Variants in CDH18 observed in about 807,000 individuals in gnomAD.
The protein encoded by CDH18 is cadherin-18.
In CDH18, 31 loss-of-function variants were observed where a neutral mutation model predicts 67.9. The ratio of observed to expected loss-of-function variants is 0.46; its 90% CI spans 0.34 to 0.62. The LOEUF is 0.62. Among genes scored for constraint, CDH18 ranks in the 20% least tolerant of loss-of-function variants. The probability of loss-of-function intolerance (pLI) is 0.01; values close to 1 mark genes in which losing one functional copy is unlikely to be tolerated. For missense variants in CDH18, 890 were observed against 975.5 expected (o/e 0.91, Z 1.17); for synonymous variants, 362 against 347.2 (o/e 1.04, Z -0.48).
chr5:20,349,509 G>T (rs1268933508), intron 1 of CDH18, among the ~76,000 whole-genome samples: 1 of 152,004 alleles, frequency 6.6e-6, no homozygotes, highest in East Asian at 1.9e-4. Context: ...GATCCAGCAG[G>T]CGTTAAAGTT....
At chr5:19,540,843 C>A (rs971672660) in intron 9 of CDH18, among the ~76,000 whole-genome samples, 1 of 152,166 alleles carries the variant, frequency 6.6e-6, no homozygotes, top group Non-Finnish European at 1.5e-5. Context: ...ATGGGAGGGT[C>A]AGCTGTGAAG....
rs1046811722 is a variant in CDH18 at position 20,544,311 on chromosome 5, A to T, written c.-580+31151T>A. ...CAAATGCAAATCAAGCCATGAGTTT[A>T]AAAAAAGCACACATAAACACATATA... On this transcript the variant is annotated intron_variant, in intron 1 of 14. Coordinates refer to the CDH18 transcript ENST00000507958. Among the ~76,000 whole-genome samples the T allele has an allele frequency of 1.7e-4, 26 of 152,116 alleles. 1 individual carries two copies. The highest frequency in any genetic ancestry group is 1.0e-3 in the South Asian group (5 of 4,822).
At chr5:19,502,920 G>T in intron 11 of CDH18, 72 bp downstream of exon 11, 1 of 885,846 alleles carries the variant, frequency 1.1e-6, no homozygotes, top group Non-Finnish European at 1.9e-6. Flanking sequence ...GTGTATATAA[G>T]AATAAAGCCT....
At chr5:20,450,599 A>C (rs191434480) in intron 1 of CDH18, among the ~76,000 whole-genome samples, 2 of 152,282 alleles carry the variant, frequency 1.3e-5, no homozygotes, top group Non-Finnish European at 2.9e-5. Flanking sequence ...ACACAGACAC[A>C]CATACTGAAG....
chr5:20,057,885 A>C (rs1211459474), intron 2 of CDH18, among the ~76,000 whole-genome samples: 1 of 152,140 alleles, frequency 6.6e-6, no homozygotes, highest in Non-Finnish European at 1.5e-5. Flanking sequence ...ATGTGTGTGC[A>C]ATAACTTTTA....
chr5:19,549,140 C>T lies in CDH18; in HGVS notation c.1254-5135G>A, dbSNP rs1473734590. 3.9e-5 allele frequency among the ~76,000 whole-genome samples: 6 copies of T among 152,176 alleles called. No homozygotes were observed. In the South Asian group the frequency reaches 8.3e-4, roughly 21 times the overall value. On this transcript the variant is annotated intron_variant, in intron 8 of 12. Coordinates refer to ENST00000382275, the MANE Select transcript of CDH18 (RefSeq NM_004934.5). ...TGAATCTCATATTAAAAGCTAATTC[C>T]CAATATTGGAGGTGAGGCCAGGTGG... is the stretch of plus-strand genomic sequence containing the variant.
intron 1 of CDH18, among the ~76,000 whole-genome samples, chr5:20,496,949 G>A (rs191513511): frequency 1.3e-5 from 2 of 152,194 alleles, no homozygotes; most frequent in East Asian, 1.9e-4. Context: ...GCATGAAGGA[G>A]CTGTGGGTGC....
chr5:20,478,627 A>T (rs1752593866), intron 1 of CDH18, among the ~76,000 whole-genome samples: 1 of 152,084 alleles, frequency 6.6e-6, no homozygotes, highest in South Asian at 2.1e-4. Context: ...CCGACTCTCG[A>T]CACTGGCTCC....
At chr5:20,526,661 G>A (rs116556287) in intron 1 of CDH18, among the ~76,000 whole-genome samples, 3,070 of 152,140 alleles carry the variant, frequency 0.02, 58 homozygotes, top group African/African-American at 0.04. Flanking sequence ...CTGCAGAAAA[G>A]AGGCCTGACT....
intron 5 of CDH18, among the ~76,000 whole-genome samples, chr5:19,617,425 TA>T (rs1750018953): frequency 1.3e-5 from 2 of 152,350 alleles, no homozygotes; most frequent in South Asian, 4.1e-4. Flanking sequence ...AAAATCTTAC[TA>T]AGGGAACACT....
chr5:19,574,808 C>G (rs991328418), intron 7 of CDH18, among the ~76,000 whole-genome samples: 1 of 151,672 alleles, frequency 6.6e-6, no homozygotes. Flanking sequence ...TTTGGGAGGC[C>G]GAGGTGGGCG....
intron 2 of CDH18, among the ~76,000 whole-genome samples, chr5:20,175,985 G>C (rs114006042): frequency 0.011 from 1,647 of 152,272 alleles, 31 homozygotes; most frequent in African/African-American, 0.037. Context: ...TCCATCAAGT[G>C]AATGTGAGTA....
At position 19,603,442 on chromosome 5, in the gene CDH18, T is replaced by C. The variant is rs550402474; in HGVS notation, c.811+8992A>G. Among the ~76,000 whole-genome samples the C allele has an allele frequency of 5.3e-5, 8 of 152,182 alleles. No homozygotes were observed. The South Asian group carries it at 1.0e-3, about 20-fold the overall frequency. ...AGACTTCTGTATTTCAATAGTACCATTGGTTGCACAACAATATGAATATAC... is the reference window on the plus strand; with the variant it reads ...AGACTTCTGTATTTCAATAGTACCACTGGTTGCACAACAATATGAATATAC... On this transcript the variant is annotated intron_variant, in intron 6 of 12. Coordinates refer to ENST00000382275, the MANE Select transcript of CDH18 (RefSeq NM_004934.5).
At chr5:19,505,865 A>G (rs1233462865) in intron 10 of CDH18, among the ~76,000 whole-genome samples, 1 of 151,960 alleles carries the variant, frequency 6.6e-6, no homozygotes. Context: ...CTATTTTTCT[A>G]TTGATTGGAA....
chr5:19,572,333 T>C (rs1741577634), intron 7 of CDH18, among the ~76,000 whole-genome samples: 1 of 152,220 alleles, frequency 6.6e-6, no homozygotes, highest in Admixed American at 6.5e-5. Flanking sequence ...CTGGTCTTCC[T>C]GTTAAAGATC....
chr5:20,442,736 T>C (rs1159137217), intron 1 of CDH18, among the ~76,000 whole-genome samples: 2 of 151,874 alleles, frequency 1.3e-5, no homozygotes, highest in Admixed American at 6.6e-5. Context: ...AGGGGTCTCA[T>C]AGGAAAAGCC....
chr5:19,609,714 T>C (rs1413544148), intron 6 of CDH18, among the ~76,000 whole-genome samples: 5 of 151,954 alleles, frequency 3.3e-5, no homozygotes, highest in Non-Finnish European at 7.4e-5. Context: ...TTTATTCAAG[T>C]GTCAATTGTA....
rs893006361 is a variant in CDH18, at chr5:19,864,428, AC to A, written c.-256-25187del. Reference sequence around the variant, plus strand: ...AGCATTAGGAGATACACCTAATGCTACATGAGGAGTTAATGGGTGCAGCACA... The same window carrying A: ...AGCATTAGGAGATACACCTAATGCTAATGAGGAGTTAATGGGTGCAGCACA... On this transcript the variant is annotated intron_variant, in intron 2 of 12. Coordinates refer to ENST00000382275, the MANE Select transcript of CDH18 (RefSeq NM_004934.5). Among the ~76,000 whole-genome samples the A allele has an allele frequency of 1.8e-4, 28 of 151,568 alleles. 1 individual carries two copies. Among genetic ancestry groups the A allele is most frequent in the African/African-American group, 6.1e-4 (25 of 41,294 alleles).
chr5:19,618,880 A>G (rs796114645), intron 5 of CDH18, among the ~76,000 whole-genome samples: 52 of 152,294 alleles, frequency 3.4e-4, no homozygotes, highest in African/African-American at 1.2e-3. Context: ...ATATATGTAA[A>G]AGTTTCATTA....
Sources: allele counts gnomAD v4.1 joint callset (sites outside exome capture counted in the v4.1 genomes callset), GRCh38; gene constraint gnomAD v4.1.1; transcripts MANE v1.5; gene names NCBI Gene and HGNC (gene_info 2026-07-23, HGNC 2026-07-21).